The following PID1 variants were observed in gnomAD, a reference collection of about 807,000 sequenced individuals.
The protein encoded by PID1 is PTB-containing, cubilin and LRP1-interacting protein.
A neutral mutation model predicts 19.1 loss-of-function variants in PID1; 10 were observed. The observed-to-expected ratio is 0.52, with a 90% CI of 0.32 to 0.89. The LOEUF (loss-of-function observed/expected upper bound fraction) is 0.89, where lower values mean the gene tolerates loss of function less well. Ranked by LOEUF, PID1 falls within the 40% of genes least tolerant of loss-of-function variation. The probability of loss-of-function intolerance (pLI) is 0.03; values close to 1 mark genes in which losing one functional copy is unlikely to be tolerated. For synonymous variants in PID1, 130 were observed against 116.0 expected (o/e 1.12, Z -0.78); for missense variants, 248 against 285.3 (o/e 0.87, Z 0.94).
intron 1 of PID1, among the ~76,000 whole-genome samples, chr2:229,228,413 T>A (rs190968220): frequency 2.0e-5 from 3 of 152,348 alleles, no homozygotes; most frequent in East Asian, 3.9e-4. Flanking sequence ...AAGCCTCACA[T>A]ATATTTAAGC....
chr2:229,231,801 C>T (rs893149543), intron 1 of PID1: 18 of 1,446,248 alleles, frequency 1.2e-5, no homozygotes, highest in Non-Finnish European at 1.7e-5. Context: ...TGTGTGATGG[C>T]ATTTTACCAA....
chr2:229,241,301 T>C (rs561384142), intron 1 of PID1, among the ~76,000 whole-genome samples: 74 of 152,292 alleles, frequency 4.9e-4, no homozygotes, highest in Non-Finnish European at 7.2e-4. Context: ...CTGTATTCTG[T>C]TCTCATTCTG....
intron 2 of PID1, among the ~76,000 whole-genome samples, chr2:229,072,515 G>C (rs1219278191): frequency 1.3e-5 from 2 of 152,084 alleles, no homozygotes; most frequent in Non-Finnish European, 2.9e-5. Context: ...TTGAACCCGG[G>C]AAGTGGAGGT....
At chr2:229,114,090 G>A (rs1695357165) in intron 2 of PID1, among the ~76,000 whole-genome samples, 1 of 143,170 alleles carries the variant, frequency 7.0e-6, no homozygotes, top group Admixed American at 6.9e-5. Context: ...GTAAATTTTG[G>A]ACTTGCCAGC....
intron 2 of PID1, among the ~76,000 whole-genome samples, chr2:229,037,996 C>A (rs956791126): frequency 6.6e-6 from 1 of 152,094 alleles, no homozygotes; most frequent in South Asian, 2.1e-4. Flanking sequence ...CATTTTCCTT[C>A]GTGCACAACT....
rs10664324 is a variant in PID1 at position 229,106,077 on chromosome 2, C to CA, written c.177+49740dup. Among the ~76,000 whole-genome samples the CA allele has an allele frequency of 1.4e-3, 174 of 122,124 alleles. 3 individuals are homozygous for CA. Among genetic ancestry groups the CA allele is most frequent in the South Asian group, 7.8e-3 (28 of 3,592 alleles). The allele number at this position is 122,124 out of a possible 152,430, so 80.1% of individuals were successfully genotyped here. On this transcript the variant is annotated intron_variant, in intron 2 of 2. Transcript: ENST00000392055. Reference sequence around the variant, plus strand: ...CCTGGGCAACAGAGCGAGATTCCGTCAAAAAAAAAAAAGGGAAAAGAAGAA... The same window carrying CA: ...CCTGGGCAACAGAGCGAGATTCCGTCAAAAAAAAAAAAAGGGAAAAGAAGAA...
chr2:229,227,847 G>A lies in PID1; in HGVS notation c.30+43167C>T, dbSNP rs767779535. On this transcript the variant is annotated intron_variant, in intron 1 of 2. Transcript: ENST00000392055. ...CTCCCAACCAACACAGGGTAACAAC[G>A]ATTTATATAGCATTTACACTATATT... The A allele has an allele frequency of 2.6e-4, 92 of 350,002 alleles. 1 individual carries two copies. Among genetic ancestry groups the A allele is most frequent in the Non-Finnish European group, 4.6e-4 (79 of 172,016 alleles). The allele number at this position is 350,002 out of a possible 1,614,324, so 21.7% of individuals were successfully genotyped here. A position where few individuals can be genotyped will look rare whatever the true frequency, so the allele number is the denominator to read the frequency against.
chr2:229,063,155 C>G (rs1319921854), intron 2 of PID1, among the ~76,000 whole-genome samples: 2 of 151,960 alleles, frequency 1.3e-5, no homozygotes, highest in Non-Finnish European at 2.9e-5. Flanking sequence ...TTCCTTCCTT[C>G]TATTGACTTT....
At chr2:229,103,866 C>T (rs1259186759) in intron 2 of PID1, among the ~76,000 whole-genome samples, 3 of 152,180 alleles carry the variant, frequency 2.0e-5, no homozygotes, top group Non-Finnish European at 4.4e-5. Context: ...CGTGAGCCAC[C>T]ACACCCAGCC....
intron 2 of PID1, among the ~76,000 whole-genome samples, chr2:229,038,230 C>T (rs1693702239): frequency 6.6e-6 from 1 of 152,124 alleles, no homozygotes; most frequent in South Asian, 2.1e-4. Context: ...TAAATAAAAA[C>T]CTTTACATGA....
chr2:229,212,096 G>A (rs1416696233), intron 1 of PID1, among the ~76,000 whole-genome samples: 1 of 3,276 alleles, frequency 3.1e-4, no homozygotes, highest in Non-Finnish European at 0.029. Flanking sequence ...TGTTTGTAAA[G>A]TTAGGTCTTT....
At chr2:229,132,706 T>C (rs899310278) in intron 2 of PID1, among the ~76,000 whole-genome samples, 3 of 152,208 alleles carry the variant, frequency 2.0e-5, no homozygotes, top group Non-Finnish European at 2.9e-5. Context: ...TTAATTCCAA[T>C]GAAGAGATTC....
At chr2:229,194,964 G>A (rs1255674694) in intron 1 of PID1, among the ~76,000 whole-genome samples, 1 of 151,822 alleles carries the variant, frequency 6.6e-6, no homozygotes, top group Non-Finnish European at 1.5e-5. Flanking sequence ...CTACGAAGCA[G>A]TTTAATATAT....
At chr2:229,109,092 G>A (rs1223427996) in intron 2 of PID1, among the ~76,000 whole-genome samples, 1 of 152,108 alleles carries the variant, frequency 6.6e-6, no homozygotes, top group African/African-American at 2.4e-5. Flanking sequence ...CACTAATATC[G>A]AGACTTTTAG....
At chr2:229,075,030 A>C (rs897004024) in intron 2 of PID1, among the ~76,000 whole-genome samples, 3 of 152,232 alleles carry the variant, frequency 2.0e-5, no homozygotes, top group African/African-American at 7.2e-5. Context: ...TTAAATCAAA[A>C]ATGCATTTAA....
intron 1 of PID1, among the ~76,000 whole-genome samples, chr2:229,234,178 CAAAT>C (rs1271349181): frequency 6.6e-6 from 1 of 152,046 alleles, no homozygotes; most frequent in African/African-American, 2.4e-5. Flanking sequence ...ACAGAGAAGA[CAAAT>C]AAAACCTAAA....
chr2:229,082,556 A>G (rs1200012422), intron 2 of PID1, among the ~76,000 whole-genome samples: 1 of 152,246 alleles, frequency 6.6e-6, no homozygotes, highest in African/African-American at 2.4e-5. Flanking sequence ...GGGGGAAGCC[A>G]GAGAGACTGG....
At chr2:229,213,528 A>C (rs1691782467) in intron 1 of PID1, among the ~76,000 whole-genome samples, 1 of 152,232 alleles carries the variant, frequency 6.6e-6, no homozygotes, top group African/African-American at 2.4e-5. Context: ...TAGTTTCCAT[A>C]TTCTAAACTC....
rs558046067 is a variant in PID1, at chr2:229,046,134, C to G, written c.178-20026G>C. 7.9e-4 allele frequency among the ~76,000 whole-genome samples: 120 copies of G among 152,186 alleles called. 2 individuals are homozygous for G. Among genetic ancestry groups the G allele is most frequent in the Middle Eastern group, 3.4e-3 (1 of 294 alleles). Reference sequence around the variant, plus strand: ...CCCCCCGACTCTGCTGGGAACCATGCTGCAATAAGGCAATATTTCCTCATC... The same window carrying G: ...CCCCCCGACTCTGCTGGGAACCATGGTGCAATAAGGCAATATTTCCTCATC... On this transcript the variant is annotated intron_variant, in intron 2 of 2. Transcript: ENST00000392055.
Sources: gnomAD v4.1 joint callset for allele counts (sites outside exome capture counted in the v4.1 genomes callset) on GRCh38, gnomAD v4.1.1 for gene constraint, MANE v1.5 for transcripts, NCBI Gene and HGNC (gene_info 2026-07-23, HGNC 2026-07-21) for gene names.